The following KCNH4 variants were observed in gnomAD, a reference collection of about 807,000 sequenced individuals.
KCNH4 encodes voltage-gated delayed rectifier potassium channel KCNH4.
In KCNH4, 33 loss-of-function variants were observed where a neutral mutation model predicts 90.7. The observed-to-expected ratio is 0.36, with a 90% CI of 0.28 to 0.49. The LOEUF is 0.49. Ranked by LOEUF, KCNH4 falls within the 20% of genes least tolerant of loss-of-function variation. KCNH4 has a pLI of 0.98. For missense variants in KCNH4, 1,044 were observed against 1,387.1 expected (o/e 0.75, Z 3.93); for synonymous variants, 551 against 581.7 (o/e 0.95, Z 0.76).
rs927393947 is a variant in KCNH4, at chr17:42,180,311, C to T, written c.76+559G>A. Among the ~76,000 whole-genome samples the T allele has an allele frequency of 6.6e-6, 1 of 152,018 alleles. No homozygotes were observed. Among genetic ancestry groups the T allele is most frequent in the African/African-American group, 2.4e-5 (1 of 41,372 alleles). ...GCTGTCCAAGGTGCTGAACCTGAAACCCAAGCTACGTTGGGCGAGCTGGGA... is the reference window on the plus strand; with the variant it reads ...GCTGTCCAAGGTGCTGAACCTGAAATCCAAGCTACGTTGGGCGAGCTGGGA... On this transcript the variant is annotated intron_variant, in intron 1 of 16. Coordinates refer to ENST00000264661, the MANE Select transcript of KCNH4 (RefSeq NM_012285.3). This position sits in a 1 kb window ranked among gnomAD's most constrained non-coding sequence, Gnocchi z 4.7.
Position 42,163,184 on chromosome 17 carries a change from TG to T in KCNH4, c.2584+43del. On this transcript the variant is annotated intron_variant, in intron 14 of 16. Transcript: ENST00000264661. This position sits in a 1 kb window ranked among gnomAD's most constrained non-coding sequence, Gnocchi z 5.4. ...CATATGGGATGGATGGACAGGTGGA[TG>T]GGCAGATGGATGACGGGGTTGAAGT... is the stretch of plus-strand genomic sequence containing the variant. 1 of 1,301,138 alleles carries T rather than the reference TG, an allele frequency of 7.7e-7. No homozygotes were observed. Among genetic ancestry groups the T allele is most frequent in the Non-Finnish European group, 1.1e-6 (1 of 894,678 alleles). The allele number at this position is 1,301,138 out of a possible 1,614,324, so 80.6% of individuals were successfully genotyped here. A position where few individuals can be genotyped will look rare whatever the true frequency, so the allele number is the denominator to read the frequency against.
intron 6 of KCNH4, among the ~76,000 whole-genome samples, chr17:42,175,168 C>A (rs531579466): frequency 6.6e-6 from 1 of 152,350 alleles, no homozygotes; most frequent in South Asian, 2.1e-4. Context: ...CATTCCTGCC[C>A]CCTCACCAGT....
At position 42,163,200 on chromosome 17, in the gene KCNH4, G is replaced by A. The variant is rs762398071; in HGVS notation, c.2584+28C>T. 2.2e-5 allele frequency: 32 copies of A among 1,444,838 alleles called. No homozygotes were observed. The Admixed American group carries it at 2.7e-4, about 12-fold the overall frequency. The allele number at this position is 1,444,838 out of a possible 1,614,324, so 89.5% of individuals were successfully genotyped here. A position where few individuals can be genotyped will look rare whatever the true frequency, so the allele number is the denominator to read the frequency against. On this transcript the variant is annotated intron_variant, in intron 14 of 16. Coordinates refer to ENST00000264661, the MANE Select transcript of KCNH4 (RefSeq NM_012285.3). This position sits in a 1 kb window ranked among gnomAD's most constrained non-coding sequence, Gnocchi z 5.4. ...ACAGGTGGATGGGCAGATGGATGAC[G>A]GGGTTGAAGTCCACTGTTGGCCCTT...
chr17:42,159,841 A>C lies in KCNH4; in HGVS notation c.*199T>G. ...ACAGCCCTCAGGTGGCTCCCCTCAC[A>C]GAGGGGGAGGTTGGGGAAGGCTTGG... is the stretch of plus-strand genomic sequence containing the variant. On this transcript the variant is annotated 3_prime_UTR_variant, in exon 16 of 17. Coordinates refer to ENST00000264661, the MANE Select transcript of KCNH4 (RefSeq NM_012285.3). 1 of 425,344 alleles carries C rather than the reference A, an allele frequency of 2.4e-6. No homozygotes were observed. The highest frequency in any genetic ancestry group is 4.1e-6 in the Non-Finnish European group (1 of 243,802). The allele number at this position is 425,344 out of a possible 1,614,324, so 26.3% of individuals were successfully genotyped here. A position where few individuals can be genotyped will look rare whatever the true frequency, so the allele number is the denominator to read the frequency against.
intron 5 of KCNH4, 26 bp downstream of exon 5, chr17:42,176,028 A>G (rs2079858352): frequency 6.4e-7 from 1 of 1,572,272 alleles, no homozygotes; most frequent in South Asian, 1.2e-5. Flanking sequence ...CCGACCCACC[A>G]GGGTGGGTGA....
chr17:42,178,420 A>T lies in KCNH4; in HGVS notation c.368T>A (p.Val123Asp). 1 of 1,613,844 alleles carries T rather than the reference A, an allele frequency of 6.2e-7. No homozygotes were observed. Among genetic ancestry groups the T allele is most frequent in the Non-Finnish European group, 8.5e-7 (1 of 1,179,992 alleles). The change falls in exon 3 of 17, where the codon GTC (valine) becomes GAC (aspartate). Residue 123 changes from valine to aspartate, a missense_variant. Val to Asp is a radical substitution (Grantham distance 152, BLOSUM62 -3). Transcript: ENST00000264661. The part of the protein sequence containing the change: ...MMPIKNEMGE[V>D]VLFLFSFKDI... ...CTTGAAGGAAAAGAGGAACAGCACG[A>T]CCTCCCCCATCTCATTCTTGATGGG...
chr17:42,169,921 G>A (rs2079815146), intron 8 of KCNH4, among the ~76,000 whole-genome samples, 186 bp downstream of exon 8: 1 of 152,164 alleles, frequency 6.6e-6, no homozygotes, highest in Non-Finnish European at 1.5e-5. Flanking sequence ...AAAAGTCCAC[G>A]CCTGTTTGTG....
At chr17:42,170,455 G>A (rs1479582091) in intron 7 of KCNH4, among the ~76,000 whole-genome samples, 154 bp from the exon 8 acceptor site, 1 of 152,244 alleles carries the variant, frequency 6.6e-6, no homozygotes, top group Non-Finnish European at 1.5e-5. Context: ...TCCCCATGGT[G>A]CATTGGTTAC....
intron 9 of KCNH4, among the ~76,000 whole-genome samples, chr17:42,166,845 G>C (rs1337556968): frequency 1.3e-5 from 2 of 152,148 alleles, no homozygotes; most frequent in Non-Finnish European, 2.9e-5. Context: ...CCTTCAACTG[G>C]GAGTCAGGAG....
rs550145042 is a variant in KCNH4 at position 42,170,213 on chromosome 17, C to T, written c.1284G>A (p.Ala428=). The change falls in exon 8 of 17, where the codon GCG becomes GCA. Residue 428 remains alanine (A), a synonymous_variant. Coordinates refer to ENST00000264661, the MANE Select transcript of KCNH4 (RefSeq NM_012285.3). ...GGCTGCTTAGAGTGAAGTACAGTGC[C>T]GCGATGTAGGCGCTGCGCCGTGATG... ...GGPSRRSAYI[A]ALYFTLSSLT... is the part of the protein sequence containing the mutation. 1.2e-5 allele frequency: 19 copies of T among 1,612,770 alleles called. No homozygotes were observed. The highest frequency in any genetic ancestry group is 3.3e-5 in the South Asian group (3 of 91,078).
At chr17:42,172,807 C>T (rs2144135351) in intron 6 of KCNH4, among the ~76,000 whole-genome samples, 1 of 151,956 alleles carries the variant, frequency 6.6e-6, no homozygotes, top group African/African-American at 2.4e-5. Context: ...AGGGGATAGG[C>T]AACAGTCTCT....
Position 42,181,033 on chromosome 17 carries a change from C to T in KCNH4, c.-88G>A. 1.7e-6 allele frequency: 2 copies of T among 1,145,566 alleles called. No homozygotes were observed. Among genetic ancestry groups the T allele is most frequent in the South Asian group, 1.4e-5 (1 of 69,326 alleles). 71.0% of individuals were successfully genotyped at this position (1,145,566 alleles called of 1,614,324 possible). On this transcript the variant is annotated 5_prime_UTR_variant, in exon 1 of 17. Coordinates refer to ENST00000264661, the MANE Select transcript of KCNH4 (RefSeq NM_012285.3). ...GGGCGCGCTGTCGGAGGGGCCGGGG[C>T]GCCCCATGCGCCCTCCTGCCTCCTC...
intron 1 of KCNH4, 126 bp from the exon 2 acceptor site, chr17:42,179,152 C>T: frequency 3.1e-6 from 2 of 645,796 alleles, no homozygotes; most frequent in South Asian, 3.8e-5. Context: ...TTCCATGTTG[C>T]TCCTGACCCC....
Position 42,167,932 on chromosome 17 carries a change from C to G in KCNH4, c.1591-1386G>C, listed in dbSNP as rs1240637463. On this transcript the variant is annotated intron_variant, in intron 9 of 16. Coordinates refer to ENST00000264661, the MANE Select transcript of KCNH4 (RefSeq NM_012285.3). Reference sequence around the variant, plus strand: ...CCAGCCCATGTCGTGCCTTCCTGCCCTGCCTTCTCCCTCCGCAGCACTCAC... The same window carrying G: ...CCAGCCCATGTCGTGCCTTCCTGCCGTGCCTTCTCCCTCCGCAGCACTCAC... Among the ~76,000 whole-genome samples the G allele has an allele frequency of 2.0e-5, 3 of 152,332 alleles. 1 individual carries two copies.
chr17:42,181,114 T>C lies in KCNH4; in HGVS notation c.-169A>G. On this transcript the variant is annotated 5_prime_UTR_variant, in exon 1 of 17. Coordinates refer to ENST00000264661, the MANE Select transcript of KCNH4 (RefSeq NM_012285.3). ...CTGCCTCTGCTCCGAACCCCGTAGC[T>C]CTCGGCTCGGCTCAGCGCCGTTTCG... is the stretch of plus-strand genomic sequence containing the variant. 1 of 599,184 alleles carries C rather than the reference T, an allele frequency of 1.7e-6. No individual in the cohort carries two copies. Among genetic ancestry groups the C allele is most frequent in the Non-Finnish European group, 2.9e-6 (1 of 348,560 alleles). The allele number at this position is 599,184 out of a possible 1,614,324, so 37.1% of individuals were successfully genotyped here.
chr17:42,178,431 C>T lies in KCNH4; in HGVS notation c.357G>A (p.Glu119=). 1 of 1,614,230 alleles carries T rather than the reference C, an allele frequency of 6.2e-7. No homozygotes were observed. The highest frequency in any genetic ancestry group is 1.3e-5 in the African/African-American group (1 of 75,068). The change falls in exon 3 of 17, where the codon GAG becomes GAA. Residue 119 remains glutamate (E), a synonymous_variant. Transcript: ENST00000264661. ...CLLDMMPIKN[E]MGEVVLFLFS... is the part of the protein sequence containing the mutation. ...AGAGGAACAGCACGACCTCCCCCAT[C>T]TCATTCTTGATGGGCATCATGTCCA...
chr17:42,166,362 G>A lies in KCNH4; in HGVS notation c.1775C>T (p.Ala592Val), dbSNP rs1410167844. The change falls in exon 10 of 17, where the codon GCA becomes GTA. Residue 592 changes from alanine to valine, a missense_variant. By Grantham distance (64) the Ala-to-Val change is moderately conservative. Coordinates refer to ENST00000264661, the MANE Select transcript of KCNH4 (RefSeq NM_012285.3). ...CGAGCCGGAGCAGACATAGTAATGT[G>A]CCTGCAGGGCATCCCCACGGCGCAA... ...YLLRRGDALQ[A>V]HYYVCSGSLE... 6.2e-7 allele frequency: 1 copy of A among 1,613,650 alleles called. No homozygotes were observed. The highest frequency in any genetic ancestry group is 1.1e-5 in the South Asian group (1 of 91,012).
Position 42,163,940 on chromosome 17 carries a change from C to G in KCNH4, c.2143G>C (p.Gly715Arg). 6.5e-7 allele frequency: 1 copy of G among 1,542,778 alleles called. No homozygotes were observed. Among genetic ancestry groups the G allele is most frequent in the Non-Finnish European group, 8.7e-7 (1 of 1,144,516 alleles). ...RLSQPRSESLGSSSDKTLPSI... is the reference protein window; with the variant it reads ...RLSQPRSESLRSSSDKTLPSI... Reference sequence around the variant, plus strand: ...GGCAGCGTCTTGTCTGAGGAGGAGCCGAGGCTTTCTGAGCGGGGCTGCGGG... The same window carrying G: ...GGCAGCGTCTTGTCTGAGGAGGAGCGGAGGCTTTCTGAGCGGGGCTGCGGG... The change falls in exon 13 of 17, where the codon GGC becomes CGC. Residue 715 changes from glycine (G) to arginine (R), a missense_variant. By Grantham distance (125) the Gly-to-Arg change is moderately radical. Around this residue, in one of 4 missense-constraint regions of KCNH4, gnomAD observed 441 missense variants for 512.3 expected, o/e 0.86. Transcript: ENST00000264661. This position sits in a 1 kb window ranked among gnomAD's most constrained non-coding sequence, Gnocchi z 5.4.
chr17:42,178,961 C>G lies in KCNH4; in HGVS notation c.142G>C (p.Gly48Arg), dbSNP rs776203060. ...RGFPIVYCSD[G>R]FCELTGYGRT... ...CCGTAGCCTGTGAGCTCGCAGAAGC[C>G]GTCGGAGCAGTAGACGATGGGAAAG... Residue 48 changes from glycine to arginine, a missense_variant, in exon 2 of 17, where the codon GGC (glycine) becomes CGC (arginine). Gly to Arg is a moderately radical substitution (Grantham distance 125). Around this residue, in one of 4 missense-constraint regions of KCNH4, gnomAD observed 283 missense variants for 378.6 expected, o/e 0.75. Coordinates refer to ENST00000264661, the MANE Select transcript of KCNH4 (RefSeq NM_012285.3). 1.9e-6 allele frequency: 3 copies of G among 1,614,202 alleles called. No individual in the cohort carries two copies. In the South Asian group the frequency reaches 3.3e-5, roughly 18 times the overall value.
Sources: gnomAD v4.1 joint callset for allele counts (sites outside exome capture counted in the v4.1 genomes callset) on GRCh38, gnomAD v4.1.1 for gene constraint, gnomAD v4.1.1 regional missense constraint, Gnocchi (gnomAD v3.1) non-coding constraint, MANE v1.5 for transcripts, NCBI Gene and HGNC (gene_info 2026-07-23, HGNC 2026-07-21) for gene names.